Variants in WDR7 observed in about 807,000 individuals in gnomAD.
WDR7 encodes the protein WD repeat domain 7.
A neutral mutation model predicts 169.4 loss-of-function variants in WDR7; 46 were observed. That is an observed-to-expected ratio of 0.27 (90% CI 0.21 to 0.35). The LOEUF is 0.35. Among genes scored for constraint, WDR7 ranks in the 10% least tolerant of loss-of-function variants. WDR7 has a pLI of 1.00. For missense variants in WDR7, 1,534 were observed against 1,859.3 expected (o/e 0.83, Z 3.22); for synonymous variants, 612 against 666.8 (o/e 0.92, Z 1.27).
At chr18:56,950,353 C>CA (rs2047164605) in intron 25 of WDR7, among the ~76,000 whole-genome samples, 2 of 152,210 alleles carry the variant, frequency 1.3e-5, no homozygotes. Context: ...TAGTACGTGT[C>CA]AGTGCCCCTG....
In WDR7 at chr18:56,959,746, G is replaced by A. The variant is rs1273974755; in HGVS notation, c.4065-2684G>A. Among the ~76,000 whole-genome samples, 4 of 152,214 alleles carry A rather than the reference G, an allele frequency of 2.6e-5. No individual in the cohort carries two copies. In the East Asian group the frequency reaches 5.8e-4, roughly 22 times the overall value. Reference sequence around the variant, plus strand: ...AAAGTGCAGCTTTAAAAACTATAACGGACCCTTCTCTTCAATCCATTGATC... The same window carrying A: ...AAAGTGCAGCTTTAAAAACTATAACAGACCCTTCTCTTCAATCCATTGATC... On this transcript the variant is annotated intron_variant, in intron 25 of 27. Transcript: ENST00000254442.
At chr18:56,734,580 C>G (rs1218452425) in intron 14 of WDR7, among the ~76,000 whole-genome samples, 1 of 151,774 alleles carries the variant, frequency 6.6e-6, no homozygotes. Context: ...CTATCCTATC[C>G]CTCTTTTCCC....
chr18:57,024,149 G>C lies in WDR7; in HGVS notation c.4270-2855G>C, dbSNP rs529681115. Among the ~76,000 whole-genome samples, 142 of 152,086 alleles carry C rather than the reference G, an allele frequency of 9.3e-4. 1 individual carries two copies. In the Middle Eastern group the frequency reaches 0.014, roughly 15 times the overall value. On this transcript the variant is annotated intron_variant, in intron 27 of 27. Transcript: ENST00000254442. ...TCAGGGGTTTTTTGCTTTCCTTTTT[G>C]TACTTTTCTTTATTATTTGAATTTT...
intron 25 of WDR7, among the ~76,000 whole-genome samples, chr18:56,948,438 G>A (rs1250753627): frequency 6.6e-6 from 1 of 151,810 alleles, no homozygotes; most frequent in Non-Finnish European, 1.5e-5. Context: ...TCCTTTGTTG[G>A]GCTCTGTCCC....
chr18:56,700,350 G>C (rs1335192700), intron 12 of WDR7, among the ~76,000 whole-genome samples: 2 of 127,638 alleles, frequency 1.6e-5, no homozygotes, highest in Non-Finnish European at 1.6e-5. Context: ...TCCACCTCCC[G>C]GGTTCAAGTG....
chr18:56,718,024 T>A lies in WDR7; in HGVS notation c.1639T>A (p.Leu547Met), dbSNP rs1448649632. The A allele has an allele frequency of 1.9e-6, 3 of 1,614,114 alleles. No individual in the cohort carries two copies. The highest frequency in any genetic ancestry group is 2.5e-6 in the Non-Finnish European group (3 of 1,179,994). The stretch of plus-strand genomic sequence containing the variant: ...TGACCACTCAGTAGGACTTCTAAGT[T>A]TGCGAGAGAAAAAATGCATAATGTT... Reference protein sequence around the residue: ...ASDHSVGLLSLREKKCIMLAS... With the variant: ...ASDHSVGLLSMREKKCIMLAS... The change falls in exon 13 of 28, where the codon TTG becomes ATG. Residue 547 changes from leucine to methionine, a missense_variant. Transcript: ENST00000254442.
intron 22 of WDR7, among the ~76,000 whole-genome samples, chr18:56,929,994 C>T (rs1282504992): frequency 2.0e-5 from 3 of 152,128 alleles, no homozygotes; most frequent in Non-Finnish European, 4.4e-5. Context: ...GATTTTGATC[C>T]ATTTGCCTCG....
At chr18:56,666,199 G>GTTT (rs1568126024) in intron 1 of WDR7, among the ~76,000 whole-genome samples, 1 of 33,252 alleles carries the variant, frequency 3.0e-5, no homozygotes, top group Non-Finnish European at 8.0e-5. Flanking sequence ...TCATTCCTTC[G>GTTT]TCTTTTTTTT....
At chr18:56,679,303 C>T (rs768269160) in intron 2 of WDR7, 29 bp from the exon 3 acceptor site, 1 of 1,575,616 alleles carries the variant, frequency 6.3e-7, no homozygotes, top group Non-Finnish European at 8.7e-7. Flanking sequence ...AAGTTTGGTA[C>T]TTAAACTAGC....
At chr18:56,898,719 G>A (rs558881573) in intron 21 of WDR7, among the ~76,000 whole-genome samples, 33 of 152,170 alleles carry the variant, frequency 2.2e-4, no homozygotes, top group African/African-American at 7.2e-4. Flanking sequence ...GTCAGGAACT[G>A]TCACAGATTG....
Position 56,724,923 on chromosome 18 carries a change from G to A in WDR7, c.1775-6460G>A, listed in dbSNP as rs565305134. 2.0e-3 allele frequency among the ~76,000 whole-genome samples: 305 copies of A among 152,070 alleles called. 1 individual carries two copies. Among genetic ancestry groups the A allele is most frequent in the African/African-American group, 6.9e-3 (286 of 41,434 alleles). On this transcript the variant is annotated intron_variant, in intron 13 of 27. Coordinates refer to ENST00000254442, the MANE Select transcript of WDR7 (RefSeq NM_015285.3). Reference sequence around the variant, plus strand: ...GCGGTGTTTGGTTTTTTGTCCTTGCGATAGTTTGCTGAGAATGATGGTTTC... The same window carrying A: ...GCGGTGTTTGGTTTTTTGTCCTTGCAATAGTTTGCTGAGAATGATGGTTTC...
At chr18:56,927,535 G>A (rs1397403017) in intron 22 of WDR7, among the ~76,000 whole-genome samples, 1 of 152,102 alleles carries the variant, frequency 6.6e-6, no homozygotes, top group African/African-American at 2.4e-5. Flanking sequence ...GATTGCTTGA[G>A]CCAAGAAGTT....
chr18:56,923,283 T>C (rs994437205), intron 21 of WDR7, among the ~76,000 whole-genome samples: 6 of 152,242 alleles, frequency 3.9e-5, no homozygotes, highest in African/African-American at 1.4e-4. Flanking sequence ...AAGGAATACA[T>C]GTTCATTAAG....
chr18:56,827,362 C>T (rs765611238), intron 20 of WDR7, among the ~76,000 whole-genome samples: 10 of 152,106 alleles, frequency 6.6e-5, no homozygotes, highest in Non-Finnish European at 1.5e-4. Flanking sequence ...GAGTACTATT[C>T]AGCCATAAAA....
At position 56,686,243 on chromosome 18, in the gene WDR7, A is replaced by C. The variant is rs188849160; in HGVS notation, c.597+211A>C. 4.1e-3 allele frequency among the ~76,000 whole-genome samples: 626 copies of C among 152,216 alleles called. 7 individuals are homozygous for C. The highest frequency in any genetic ancestry group is 6.6e-3 in the Non-Finnish European group (448 of 68,002). On this transcript the variant is annotated intron_variant, in intron 6 of 27. Coordinates refer to ENST00000254442, the MANE Select transcript of WDR7 (RefSeq NM_015285.3). Reference sequence around the variant, plus strand: ...TTTTAATGGCAACATCTGCTCTATCATGGATATAAAATAGAGAAACATATT... The same window carrying C: ...TTTTAATGGCAACATCTGCTCTATCCTGGATATAAAATAGAGAAACATATT...
At chr18:56,832,008 A>C (rs1024107079) in intron 20 of WDR7, among the ~76,000 whole-genome samples, 5 of 152,040 alleles carry the variant, frequency 3.3e-5, no homozygotes, top group African/African-American at 7.2e-5. Flanking sequence ...ACTCCCCTGG[A>C]AAGAGGGCTG....
intron 26 of WDR7, among the ~76,000 whole-genome samples, chr18:57,000,865 C>G (rs2047966726): frequency 6.6e-6 from 1 of 152,080 alleles, no homozygotes; most frequent in Non-Finnish European, 1.5e-5. Flanking sequence ...AAATATTTCT[C>G]TAAATTCTTT....
rs2048408100 is a variant in WDR7 at position 57,028,994 on chromosome 18, G to GA, written c.*1787_*1788insA. 6.6e-6 allele frequency: 1 copy of GA among 152,606 alleles called. No homozygotes were observed. The highest frequency in any genetic ancestry group is 1.5e-5 in the Non-Finnish European group (1 of 68,032). 9.5% of individuals were successfully genotyped at this position (152,606 alleles called of 1,614,324 possible). A position where few individuals can be genotyped will look rare whatever the true frequency, so the allele number is the denominator to read the frequency against. On this transcript the variant is annotated 3_prime_UTR_variant, in exon 28 of 28. Coordinates refer to ENST00000254442, the MANE Select transcript of WDR7 (RefSeq NM_015285.3). ...TAGCTAGAGAAATGTAAGGTAAAAG[G>GA]CTCACTTTGTTTTCCAGTGGGTCCA...
intron 27 of WDR7, among the ~76,000 whole-genome samples, chr18:57,022,867 C>A (rs971966512): frequency 6.6e-6 from 1 of 152,210 alleles, no homozygotes. Context: ...CTTTGCCAAG[C>A]GCACTCACAT....
Sources: gnomAD v4.1 joint callset for allele counts (sites outside exome capture counted in the v4.1 genomes callset) on GRCh38, gnomAD v4.1.1 for gene constraint, MANE v1.5 for transcripts, NCBI Gene and HGNC (gene_info 2026-07-23, HGNC 2026-07-21) for gene names.